Variants in ARMC3 observed in about 807,000 individuals in gnomAD.
ARMC3 encodes armadillo repeat-containing protein 3.
A neutral mutation model predicts 90.3 loss-of-function variants in ARMC3; 74 were observed. The ratio of observed to expected loss-of-function variants is 0.82; its 90% CI spans 0.68 to 0.99. ARMC3 has a LOEUF of 0.99. ARMC3 is among the 50% of genes least tolerant of loss of function. The pLI is 0.00. For synonymous variants in ARMC3, 334 were observed against 361.8 expected (o/e 0.92, Z 0.87); for missense variants, 958 against 1,042.8 (o/e 0.92, Z 1.12).
At chr10:22,985,066 T>G (rs1234258201) in intron 10 of ARMC3, among the ~76,000 whole-genome samples, 3 of 123,350 alleles carry the variant, frequency 2.4e-5, no homozygotes, top group Admixed American at 2.3e-4. Context: ...TTTTTTTTTT[T>G]TTTTTTTTAG....
intron 2 of ARMC3, among the ~76,000 whole-genome samples, chr10:22,943,279 T>C (rs998793195): frequency 1.3e-5 from 2 of 152,234 alleles, no homozygotes; most frequent in African/African-American, 2.4e-5. Context: ...ATTTTATTCC[T>C]ATCATTTTAT....
chr10:22,950,302 C>T (rs1420794451), intron 3 of ARMC3, among the ~76,000 whole-genome samples: 2 of 151,838 alleles, frequency 1.3e-5, no homozygotes, highest in African/African-American at 4.8e-5. Context: ...CAACTTGAAA[C>T]ATATGTATAA....
In ARMC3 at chr10:23,031,521, T is replaced by C. The variant is rs536164472; in HGVS notation, c.2246+725T>C. Among the ~76,000 whole-genome samples the C allele has an allele frequency of 3.9e-5, 6 of 152,306 alleles. No homozygotes were observed. In the South Asian group the frequency reaches 1.2e-3, roughly 32 times the overall value. Reference sequence around the variant, plus strand: ...TCCAAATAGCAGTGAGTTGCTATCATGAAACCTGGATGTGACAACTGCAAG... The same window carrying C: ...TCCAAATAGCAGTGAGTTGCTATCACGAAACCTGGATGTGACAACTGCAAG... On this transcript the variant is annotated intron_variant, in intron 17 of 18. Coordinates refer to ENST00000298032, the MANE Select transcript of ARMC3 (RefSeq NM_173081.5).
chr10:23,017,777 C>T (rs1049986939), intron 16 of ARMC3, among the ~76,000 whole-genome samples: 1 of 152,040 alleles, frequency 6.6e-6, no homozygotes, highest in Non-Finnish European at 1.5e-5. Flanking sequence ...AAAAACAAAA[C>T]AAAACAAAAC....
intron 4 of ARMC3, among the ~76,000 whole-genome samples, chr10:22,956,703 GAAT>G (rs988601334): frequency 2.8e-4 from 42 of 147,954 alleles, no homozygotes; most frequent in African/African-American, 9.8e-4. Flanking sequence ...AATATATATT[GAAT>G]AATATTAATC....
intron 16 of ARMC3, among the ~76,000 whole-genome samples, chr10:23,010,627 A>G (rs1287206748): frequency 1.3e-5 from 1 of 76,402 alleles, no homozygotes; most frequent in East Asian, 3.9e-4. Context: ...TCCCTGACCT[A>G]CCATCTTCTC....
chr10:22,977,942 T>C (rs2131325701), intron 8 of ARMC3, among the ~76,000 whole-genome samples: 1 of 152,328 alleles, frequency 6.6e-6, no homozygotes, highest in East Asian at 1.9e-4. Context: ...GCCTTAGCCA[T>C]GACATTTTTG....
At chr10:23,030,970 T>C in intron 17 of ARMC3, 174 bp downstream of exon 17, 1 of 660,010 alleles carries the variant, frequency 1.5e-6, no homozygotes, top group Non-Finnish European at 2.4e-6. Flanking sequence ...ATTTAGGTCA[T>C]ACGTTCACTA....
At chr10:23,014,111 C>T in intron 16 of ARMC3, 1 of 1,550,318 alleles carries the variant, frequency 6.5e-7, no homozygotes, top group South Asian at 1.2e-5. Flanking sequence ...TCACTCCCCA[C>T]TTCAAGATAA....
chr10:22,978,089 C>T (rs1836009860), intron 8 of ARMC3, among the ~76,000 whole-genome samples: 1 of 152,170 alleles, frequency 6.6e-6, no homozygotes, highest in Non-Finnish European at 1.5e-5. Flanking sequence ...CCTCTTAACT[C>T]TTATTATCTG....
chr10:23,033,504 T>A (rs1839003951), intron 18 of ARMC3, among the ~76,000 whole-genome samples: 5 of 152,126 alleles, frequency 3.3e-5, no homozygotes, highest in Non-Finnish European at 7.4e-5. Context: ...AGAAAACATC[T>A]TATGCAAAAT....
intron 10 of ARMC3, among the ~76,000 whole-genome samples, chr10:22,987,076 T>G (rs1262643738): frequency 1.3e-5 from 2 of 152,214 alleles, no homozygotes; most frequent in Non-Finnish European, 2.9e-5. Context: ...ATGTAGTTGT[T>G]TGGACACATA....
At chr10:23,019,275 AAGTG>A (rs1187896823) in intron 16 of ARMC3, among the ~76,000 whole-genome samples, 3 of 152,220 alleles carry the variant, frequency 2.0e-5, no homozygotes, top group Admixed American at 2.0e-4. Flanking sequence ...GAGATGCAGA[AAGTG>A]AGTAAAGACA....
intron 4 of ARMC3, among the ~76,000 whole-genome samples, chr10:22,956,633 C>T (rs1212497110): frequency 6.6e-6 from 1 of 150,792 alleles, no homozygotes; most frequent in Non-Finnish European, 1.5e-5. Flanking sequence ...GCACTTACTC[C>T]TTAAATCAGA....
chr10:22,936,110 C>T lies in ARMC3; in HGVS notation c.48+4066C>T, dbSNP rs142726170. ...TTTTTTTAGACCTGTGCTAATACTC[C>T]AGCCACTAGGCACATGTGGTTATTA... On this transcript the variant is annotated intron_variant, in intron 2 of 18. Coordinates refer to ENST00000298032, the MANE Select transcript of ARMC3 (RefSeq NM_173081.5). Among the ~76,000 whole-genome samples the T allele has an allele frequency of 1.8e-3, 279 of 152,118 alleles. 3 individuals carry two copies. The highest frequency in any genetic ancestry group is 5.8e-3 in the African/African-American group (242 of 41,494).
chr10:22,959,001 G>C, intron 4 of ARMC3, 69 bp from the exon 5 acceptor site: 4 of 1,286,034 alleles, frequency 3.1e-6, no homozygotes, highest in Non-Finnish European at 4.5e-6. Flanking sequence ...GGGATTACAG[G>C]CATGAGCCAC....
intron 16 of ARMC3, among the ~76,000 whole-genome samples, chr10:23,017,091 A>G (rs901409170): frequency 6.7e-6 from 1 of 150,176 alleles, no homozygotes; most frequent in Non-Finnish European, 1.5e-5. Flanking sequence ...TTTTTTTTAC[A>G]AATAAGAGAA....
chr10:22,989,757 G>T (rs948791001), intron 10 of ARMC3, among the ~76,000 whole-genome samples: 2 of 152,224 alleles, frequency 1.3e-5, no homozygotes, highest in Non-Finnish European at 2.9e-5. Flanking sequence ...CAAGTTTACT[G>T]AGTGGATGCT....
At chr10:23,006,666 C>A (rs1422338702) in intron 13 of ARMC3, 2 of 484,462 alleles carry the variant, frequency 4.1e-6, no homozygotes, top group Non-Finnish European at 7.5e-6. Context: ...GTAAAGCAAT[C>A]GAGATGATAA....
Sources: gnomAD v4.1 joint callset for allele counts (sites outside exome capture counted in the v4.1 genomes callset) on GRCh38, gnomAD v4.1.1 for gene constraint, MANE v1.5 for transcripts, NCBI Gene and HGNC (gene_info 2026-07-23, HGNC 2026-07-21) for gene names.